The following MRPS35 variants were observed in gnomAD, a reference collection of about 807,000 sequenced individuals.
The protein encoded by MRPS35 is mitochondrial ribosomal protein S35.
A neutral mutation model predicts 32.7 loss-of-function variants in MRPS35; 29 were observed. That is an observed-to-expected ratio of 0.89 (90% confidence interval 0.66 to 1.21). MRPS35 has a LOEUF of 1.21. Ranked by LOEUF, MRPS35 falls within the 50% of genes most tolerant of loss-of-function variation. The pLI is 0.00. For synonymous variants in MRPS35, 148 were observed against 139.3 expected, an observed-to-expected ratio of 1.06 and a Z score of -0.44; for missense variants, 373 against 383.8, an observed-to-expected ratio of 0.97 and a Z score of 0.23.
chr12:27,724,002 A>C (rs375403717), intron 4 of MRPS35, 45 bp from the exon 5 acceptor site: 187 of 1,593,960 alleles, frequency 1.2e-4, no homozygotes, highest in Non-Finnish European at 1.5e-4. Context: ...TACAATGAGA[A>C]TTTACTTGCA....
At chr12:27,729,772 G>A (rs1025758674) in intron 5 of MRPS35, among the ~76,000 whole-genome samples, 1 of 152,048 alleles carries the variant, frequency 6.6e-6, no homozygotes, top group Admixed American at 6.6e-5. Flanking sequence ...CATTTGTCCG[G>A]ATGCCATATT....
intron 3 of MRPS35, among the ~76,000 whole-genome samples, chr12:27,718,224 A>G (rs2061858910): frequency 6.6e-6 from 1 of 152,132 alleles, no homozygotes; most frequent in Admixed American, 6.5e-5. Flanking sequence ...CAGGAGTTGG[A>G]GACCAGCCTG....
At chr12:27,742,774 T>G (rs767898188) in intron 7 of MRPS35, among the ~76,000 whole-genome samples, 3 of 152,208 alleles carry the variant, frequency 2.0e-5, no homozygotes, top group Non-Finnish European at 4.4e-5. Context: ...ACTAGTTATT[T>G]GAAAAAGTAC....
intron 7 of MRPS35, among the ~76,000 whole-genome samples, chr12:27,750,410 A>G (rs1476380131): frequency 6.6e-6 from 1 of 152,254 alleles, no homozygotes; most frequent in Non-Finnish European, 1.5e-5. Flanking sequence ...GATACCTGAT[A>G]TATAATTAAG....
At chr12:27,716,186 GCTT>G in intron 2 of MRPS35, 102 bp from the exon 3 acceptor site, 1 of 1,102,748 alleles carries the variant, frequency 9.1e-7, no homozygotes, top group Non-Finnish European at 1.2e-6. Flanking sequence ...TTGCAATTTT[GCTT>G]CTATTTCTTG....
intron 1 of MRPS35, 50 bp downstream of exon 1, chr12:27,711,005 G>A: frequency 1.3e-6 from 2 of 1,542,292 alleles, no homozygotes; most frequent in Non-Finnish European, 8.8e-7. Context: ...TGCAAGAGCG[G>A]AATACCGGCC....
chr12:27,723,274 GT>G (rs748308191), intron 4 of MRPS35, among the ~76,000 whole-genome samples: 44 of 146,142 alleles, frequency 3.0e-4, no homozygotes, highest in East Asian at 4.0e-4. Flanking sequence ...TTTCCTTTAA[GT>G]TTTTTTTTTT....
intron 5 of MRPS35, among the ~76,000 whole-genome samples, chr12:27,733,423 A>G (rs2061930549): frequency 6.6e-6 from 1 of 152,108 alleles, no homozygotes; most frequent in South Asian, 2.1e-4. Context: ...TTTTTGGACC[A>G]CTTCTTATAT....
At chr12:27,719,260 T>C (rs1383896084) in intron 3 of MRPS35, among the ~76,000 whole-genome samples, 1 of 152,212 alleles carries the variant, frequency 6.6e-6, no homozygotes, top group East Asian at 1.9e-4. Context: ...ACAAAAGATT[T>C]ATATGATCTG....
intron 3 of MRPS35, among the ~76,000 whole-genome samples, chr12:27,717,472 C>T (rs1306215348): frequency 6.6e-6 from 1 of 152,118 alleles, no homozygotes; most frequent in African/African-American, 2.4e-5. Context: ...GAATGCATAT[C>T]TTAGATGGTT....
At chr12:27,719,477 T>C (rs2061864351) in intron 3 of MRPS35, among the ~76,000 whole-genome samples, 1 of 151,834 alleles carries the variant, frequency 6.6e-6, no homozygotes. Context: ...CCATCCTGGC[T>C]AACAAGGTGA....
At chr12:27,716,171 A>T (rs1212235739) in intron 2 of MRPS35, 120 bp from the exon 3 acceptor site, 2 of 919,372 alleles carry the variant, frequency 2.2e-6, no homozygotes, top group African/African-American at 1.7e-5. Flanking sequence ...CAGATTTTAC[A>T]TATGTTGCAA....
intron 1 of MRPS35, among the ~76,000 whole-genome samples, chr12:27,714,275 A>G (rs1019367707): frequency 6.6e-6 from 1 of 152,038 alleles, no homozygotes; most frequent in Admixed American, 6.6e-5. Context: ...TGTATCTGCA[A>G]TTCAAATAAC....
chr12:27,716,994 A>G (rs112665458), intron 3 of MRPS35, among the ~76,000 whole-genome samples: 1 of 114,202 alleles, frequency 8.8e-6, no homozygotes, highest in African/African-American at 2.6e-5. Context: ...CTGTCTCAGG[A>G]AAAAAAAAAA....
At chr12:27,729,788 GGAGAAACAT>G (rs1178379438) in intron 5 of MRPS35, among the ~76,000 whole-genome samples, 1 of 151,644 alleles carries the variant, frequency 6.6e-6, no homozygotes, top group Non-Finnish European at 1.5e-5. Context: ...ATATTGCTTT[GGAGAAACAT>G]GAGATCCCTA....
chr12:27,728,576 C>T (rs977930865), intron 5 of MRPS35, among the ~76,000 whole-genome samples: 1 of 152,084 alleles, frequency 6.6e-6, no homozygotes, highest in Non-Finnish European at 1.5e-5. Flanking sequence ...ATCTACTCCA[C>T]ATTATATTTC....
chr12:27,724,663 A>T (rs1180467147), intron 5 of MRPS35, among the ~76,000 whole-genome samples: 1 of 152,030 alleles, frequency 6.6e-6, no homozygotes, highest in Non-Finnish European at 1.5e-5. Context: ...GAATTGCTTG[A>T]ACCCGGGAGG....
intron 5 of MRPS35, among the ~76,000 whole-genome samples, 175 bp downstream of exon 5, chr12:27,724,361 A>C (rs1241732848): frequency 6.6e-6 from 1 of 152,220 alleles, no homozygotes; most frequent in South Asian, 2.1e-4. Flanking sequence ...CAACATAGCA[A>C]GAACCTATCT....
At chr12:27,730,474 T>C (rs1396249521) in intron 5 of MRPS35, among the ~76,000 whole-genome samples, 1 of 152,172 alleles carries the variant, frequency 6.6e-6, no homozygotes, top group Non-Finnish European at 1.5e-5. Context: ...TTTGAGATAG[T>C]GTCTCATTCT....
Sources: allele counts gnomAD v4.1 joint callset (sites outside exome capture counted in the v4.1 genomes callset), GRCh38; gene constraint gnomAD v4.1.1; transcripts MANE v1.5; gene names NCBI Gene and HGNC (gene_info 2026-07-23, HGNC 2026-07-21).